UBE2E3: variants seen among roughly 807,000 people sequenced by gnomAD.
UBE2E3 encodes the protein ubiquitin-conjugating enzyme E2 E3.
In UBE2E3, 5 loss-of-function variants were observed where a neutral mutation model predicts 23.6. The ratio of observed to expected loss-of-function variants is 0.21; its 90% confidence interval spans 0.11 to 0.44. The LOEUF (loss-of-function observed/expected upper bound fraction) is 0.44, where lower values mean the gene tolerates loss of function less well. UBE2E3 is among the 20% of genes least tolerant of loss of function. The pLI, the probability that UBE2E3 is intolerant of heterozygous loss-of-function variation, is 0.99. For missense variants in UBE2E3, 81 were observed against 249.8 expected (o/e 0.32, Z 4.55); for synonymous variants, 78 against 87.5 (o/e 0.89, Z 0.60).
At chr2:181,042,306 A>C (rs1686537947) in intron 3 of UBE2E3, among the ~76,000 whole-genome samples, 1 of 152,218 alleles carries the variant, frequency 6.6e-6, no homozygotes, top group Non-Finnish European at 1.5e-5. Context: ...CTGTGCCTTC[A>C]GAGGCTGTTT....
chr2:181,021,864 C>T (rs1685714021), intron 3 of UBE2E3, among the ~76,000 whole-genome samples: 1 of 151,722 alleles, frequency 6.6e-6, no homozygotes, highest in Admixed American at 6.6e-5. Context: ...GTTTTGCTTT[C>T]TTAAGTGATT....
chr2:181,040,526 A>T (rs1686455292), intron 3 of UBE2E3, among the ~76,000 whole-genome samples: 1 of 152,194 alleles, frequency 6.6e-6, no homozygotes. Flanking sequence ...CTTATGTGGA[A>T]AGCATTATAC....
chr2:181,021,009 C>T (rs1450363512), intron 3 of UBE2E3, among the ~76,000 whole-genome samples: 2 of 152,122 alleles, frequency 1.3e-5, no homozygotes, highest in African/African-American at 4.8e-5. Flanking sequence ...GCATTTGAAA[C>T]TGATGAAAGG....
At chr2:181,012,885 A>T (rs969938870) in intron 3 of UBE2E3, among the ~76,000 whole-genome samples, 5 of 152,176 alleles carry the variant, frequency 3.3e-5, no homozygotes, top group African/African-American at 1.2e-4. Context: ...TGGAGCCCCT[A>T]CTATGTGTTA....
chr2:181,007,505 T>C (rs897787742), intron 3 of UBE2E3, among the ~76,000 whole-genome samples: 7 of 90,344 alleles, frequency 7.7e-5, no homozygotes, highest in South Asian at 3.3e-4. Flanking sequence ...TAATTGTTTT[T>C]TTTTTTTTTC....
intron 3 of UBE2E3, among the ~76,000 whole-genome samples, chr2:181,048,608 T>C (rs1033888476): frequency 1.3e-5 from 2 of 152,048 alleles, no homozygotes; most frequent in Non-Finnish European, 2.9e-5. Flanking sequence ...TCTGCCCTTT[T>C]AGTTAGTAGA....
At chr2:180,998,033 G>A (rs1245062727) in intron 3 of UBE2E3, among the ~76,000 whole-genome samples, 2 of 151,988 alleles carry the variant, frequency 1.3e-5, no homozygotes, top group Non-Finnish European at 1.5e-5. Flanking sequence ...GTAAAATGCC[G>A]TAGCACTAAC....
intron 3 of UBE2E3, among the ~76,000 whole-genome samples, chr2:180,999,008 C>CT (rs1684915753): frequency 1.3e-5 from 2 of 152,078 alleles, no homozygotes; most frequent in South Asian, 4.1e-4. Context: ...TCCCATGTGT[C>CT]TTTTATTCTA....
intron 3 of UBE2E3, among the ~76,000 whole-genome samples, chr2:181,031,629 C>T (rs1165439463): frequency 6.6e-6 from 1 of 152,086 alleles, no homozygotes; most frequent in Admixed American, 6.6e-5. Context: ...TTCTGCGCCC[C>T]TCCTCCTTGC....
At chr2:181,061,775 C>CTTTT (rs58811030) in intron 5 of UBE2E3, among the ~76,000 whole-genome samples, 1 of 144,944 alleles carries the variant, frequency 6.9e-6, no homozygotes, top group Non-Finnish European at 1.5e-5. Context: ...GTTATGTGAC[C>CTTTT]TTTTTTTTTT....
chr2:181,050,311 G>T (rs1479740309), intron 3 of UBE2E3, among the ~76,000 whole-genome samples: 1 of 151,914 alleles, frequency 6.6e-6, no homozygotes, highest in South Asian at 2.1e-4. Context: ...TTCAAAACTT[G>T]AATTTTATAT....
chr2:181,042,215 T>C (rs1686534261), intron 3 of UBE2E3, among the ~76,000 whole-genome samples: 1 of 152,224 alleles, frequency 6.6e-6, no homozygotes, highest in African/African-American at 2.4e-5. Context: ...TGCCTTGTCT[T>C]AGGAATCAGA....
chr2:180,987,705 A>C (rs1281464980), intron 3 of UBE2E3, among the ~76,000 whole-genome samples: 1 of 152,152 alleles, frequency 6.6e-6, no homozygotes, highest in Non-Finnish European at 1.5e-5. Flanking sequence ...CCAGTAGTTG[A>C]TAATCTCTAG....
At position 180,982,015 on chromosome 2, in the gene UBE2E3, A is replaced by G; in HGVS notation, c.-25-3A>G. The G allele has an allele frequency of 6.3e-7, 1 of 1,589,444 alleles. No homozygotes were observed. On this transcript the variant is annotated splice_region_variant and splice_polypyrimidine_tract_variant and intron_variant, in intron 1 of 5. Transcript: ENST00000410062. The stretch of plus-strand genomic sequence containing the variant: ...CCTCCTCCTCCCCTGTTCTCTTTAA[A>G]AGTTTTCCAAGAGATAACTTCACCA...
At chr2:181,032,485 A>G (rs1231287585) in intron 3 of UBE2E3, among the ~76,000 whole-genome samples, 5 of 152,190 alleles carry the variant, frequency 3.3e-5, no homozygotes, top group African/African-American at 1.2e-4. Context: ...ATGAAGTTTC[A>G]AAGAAACATT....
chr2:180,984,421 C>CT (rs1684393453), intron 3 of UBE2E3, among the ~76,000 whole-genome samples: 1 of 152,152 alleles, frequency 6.6e-6, no homozygotes, highest in Admixed American at 6.5e-5. Context: ...TTTTGCTAAG[C>CT]TTTAAAGTTA....
intron 3 of UBE2E3, among the ~76,000 whole-genome samples, chr2:181,026,808 T>C (rs1236054953): frequency 2.0e-5 from 3 of 151,960 alleles, no homozygotes; most frequent in Non-Finnish European, 2.9e-5. Context: ...ATTAGATCTA[T>C]TGAACAGATA....
intron 3 of UBE2E3, among the ~76,000 whole-genome samples, chr2:181,024,944 A>C (rs1685833258): frequency 6.6e-6 from 1 of 152,044 alleles, no homozygotes; most frequent in African/African-American, 2.4e-5. Flanking sequence ...TCTATTAATA[A>C]AAGTAGAACA....
intron 3 of UBE2E3, among the ~76,000 whole-genome samples, chr2:181,046,234 G>A (rs531142795): frequency 8.8e-4 from 134 of 152,234 alleles, no homozygotes; most frequent in Non-Finnish European, 1.2e-3. Flanking sequence ...CAGATAAGCA[G>A]GAAATAGATT....
Sources: allele counts gnomAD v4.1 joint callset (sites outside exome capture counted in the v4.1 genomes callset), GRCh38; gene constraint gnomAD v4.1.1; transcripts MANE v1.5; gene names NCBI Gene and HGNC (gene_info 2026-07-23, HGNC 2026-07-21).